Variants in ADAMTSL1 observed in about 807,000 individuals in gnomAD.
ADAMTSL1 encodes ADAMTS like 1.
ADAMTSL1 carries 126 observed loss-of-function variants against 201.8 expected under a neutral mutation model. The observed-to-expected ratio is 0.62, with a 90% CI of 0.54 to 0.72. The LOEUF (loss-of-function observed/expected upper bound fraction) is 0.72, where lower values mean the gene tolerates loss of function less well. Among genes scored for constraint, ADAMTSL1 ranks in the 30% least tolerant of loss-of-function variants. The pLI is 0.00. For synonymous variants in ADAMTSL1, 1,121 were observed against 903.4 expected, an observed-to-expected ratio of 1.24 and a Z score of -4.32; for missense variants, 2,679 against 2,277.8, an observed-to-expected ratio of 1.18 and a Z score of -3.59.
At chr9:18,091,150 C>A (rs999959142) in intron 1 of ADAMTSL1, among the ~76,000 whole-genome samples, 1 of 151,896 alleles carries the variant, frequency 6.6e-6, no homozygotes, top group African/African-American at 2.4e-5. Context: ...CAACCATTAG[C>A]CCCACGGTAC....
At chr9:18,043,266 C>A in intron 1 of ADAMTSL1, among the ~76,000 whole-genome samples, 1 of 152,196 alleles carries the variant, frequency 6.6e-6, no homozygotes, top group East Asian at 1.9e-4. Context: ...GGATTAGGAA[C>A]TACTAGGCCA....
At chr9:18,884,415 A>G (rs1438026442) in intron 23 of ADAMTSL1, among the ~76,000 whole-genome samples, 3 of 152,138 alleles carry the variant, frequency 2.0e-5, no homozygotes, top group Non-Finnish European at 4.4e-5. Context: ...AAAGATTTAA[A>G]TTTTGATGGA....
intron 2 of ADAMTSL1, among the ~76,000 whole-genome samples, chr9:18,235,956 C>T (rs550234329): frequency 3.9e-5 from 6 of 152,330 alleles, no homozygotes; most frequent in African/African-American, 1.4e-4. Context: ...AAAGTAAATT[C>T]ATGGGCAAGA....
chr9:18,314,673 A>C (rs1196884136), intron 2 of ADAMTSL1, among the ~76,000 whole-genome samples: 4 of 149,988 alleles, frequency 2.7e-5, no homozygotes, highest in Non-Finnish European at 4.4e-5. Flanking sequence ...AGGCATGCGG[A>C]CCGAAAGAGT....
At position 18,908,838 on chromosome 9, in the gene ADAMTSL1, C is replaced by A. The variant is rs1032393423; in HGVS notation, c.*290C>A. The A allele has an allele frequency of 3.4e-6, 1 of 296,068 alleles. No homozygotes were observed. Among genetic ancestry groups the A allele is most frequent in the Non-Finnish European group, 6.3e-6 (1 of 159,322 alleles). 18.3% of individuals were successfully genotyped at this position (296,068 alleles called of 1,614,324 possible). On this transcript the variant is annotated 3_prime_UTR_variant, in exon 29 of 29. Coordinates refer to ENST00000380548, the MANE Select transcript of ADAMTSL1 (RefSeq NM_001040272.6). ...GCTCCCTTGAAGAGCTTCCTCCCTC[C>A]CAAACCTGGGTCTCAAAGACCTAGA... is the stretch of plus-strand genomic sequence containing the variant.
In ADAMTSL1 at chr9:18,160,856, T is replaced by C. The variant is rs913381237; in HGVS notation, c.88-3006T>C. 2.9e-4 allele frequency among the ~76,000 whole-genome samples: 43 copies of C among 149,224 alleles called. 1 individual carries two copies. The highest frequency in any genetic ancestry group is 9.5e-4 in the African/African-American group (39 of 40,862). ...CACCATACCTGGCTAAATTTTTTTTTTTTTTTTTTTTTTTAAGAGACAATG... is the reference window on the plus strand; with the variant it reads ...CACCATACCTGGCTAAATTTTTTTTCTTTTTTTTTTTTTTAAGAGACAATG... On this transcript the variant is annotated intron_variant, in intron 1 of 29. Coordinates refer to the ADAMTSL1 transcript ENST00000680146.
intron 1 of ADAMTSL1, among the ~76,000 whole-genome samples, chr9:17,916,380 T>A (rs1189084025): frequency 6.6e-6 from 1 of 152,256 alleles, no homozygotes; most frequent in Admixed American, 6.5e-5. Flanking sequence ...ATTTTGTTCT[T>A]GTTTCTAATA....
Position 18,579,075 on chromosome 9 carries a change from G to A in ADAMTSL1, c.474+4809G>A, listed in dbSNP as rs576544887. ...TCATGTTGCGGCATTATTCACAATA[G>A]CAAAGACTTGGAACCAACCCAAATG... On this transcript the variant is annotated intron_variant, in intron 4 of 28. Transcript: ENST00000380548. Among the ~76,000 whole-genome samples the A allele has an allele frequency of 6.6e-5, 10 of 151,810 alleles. No individual in the cohort carries two copies. In the East Asian group the frequency reaches 1.9e-3, roughly 29 times the overall value.
At chr9:18,661,085 C>T (rs536920421) in intron 8 of ADAMTSL1, among the ~76,000 whole-genome samples, 8 of 152,018 alleles carry the variant, frequency 5.3e-5, no homozygotes, top group East Asian at 1.9e-4. Flanking sequence ...TTTTTCACCC[C>T]GAGAATCTAA....
intron 1 of ADAMTSL1, among the ~76,000 whole-genome samples, chr9:17,907,490 G>C (rs775179557): frequency 1.1e-4 from 17 of 152,170 alleles, no homozygotes; most frequent in Non-Finnish European, 2.1e-4. Context: ...GTGCCTCCGC[G>C]GTCTAGAGGT....
rs115221556 is a variant in ADAMTSL1, at chr9:18,095,128, C to T, written c.88-68734C>T. On this transcript the variant is annotated intron_variant, in intron 1 of 29. Transcript: ENST00000680146. ...CTAGTTGCAAATGCAGATTATTAGA[C>T]GCCACCTGAGACCTTCTGAATCATA... Among the ~76,000 whole-genome samples, 518 of 152,176 alleles carry T rather than the reference C, an allele frequency of 3.4e-3. 4 individuals are homozygous for T. The highest frequency in any genetic ancestry group is 0.011 in the African/African-American group (475 of 41,522).
At chr9:18,810,416 C>T (rs896280080) in intron 20 of ADAMTSL1, among the ~76,000 whole-genome samples, 1 of 151,908 alleles carries the variant, frequency 6.6e-6, no homozygotes, top group African/African-American at 2.4e-5. Context: ...GGCTGTGGGA[C>T]GGTACAAACA....
intron 1 of ADAMTSL1, among the ~76,000 whole-genome samples, chr9:18,157,756 T>A (rs1827217730): frequency 6.6e-6 from 1 of 152,058 alleles, no homozygotes; most frequent in African/African-American, 2.4e-5. Flanking sequence ...ATGGGTTAAA[T>A]ATGGTTATAA....
chr9:18,740,545 C>G (rs937004351), intron 15 of ADAMTSL1, among the ~76,000 whole-genome samples: 13 of 140,992 alleles, frequency 9.2e-5, no homozygotes, highest in Non-Finnish European at 1.5e-4. Context: ...GGCGCAATCT[C>G]AGCTCATTGC....
intron 1 of ADAMTSL1, among the ~76,000 whole-genome samples, chr9:17,961,872 G>A (rs1372303076): frequency 6.6e-6 from 1 of 152,142 alleles, no homozygotes; most frequent in Non-Finnish European, 1.5e-5. Context: ...AGAACCCCAA[G>A]AATCAGGGTT....
chr9:18,263,747 T>G (rs1832013528), intron 2 of ADAMTSL1, among the ~76,000 whole-genome samples: 2 of 152,146 alleles, frequency 1.3e-5, no homozygotes, highest in South Asian at 4.1e-4. Context: ...ATGAGTGTCC[T>G]TATAGAAAGA....
chr9:18,319,127 C>G (rs1253786904), intron 2 of ADAMTSL1, among the ~76,000 whole-genome samples: 1 of 152,090 alleles, frequency 6.6e-6, no homozygotes, highest in African/African-American at 2.4e-5. Flanking sequence ...AGGAGGATCA[C>G]TTGAGCCCAG....
chr9:18,063,842 C>T (rs188010598), intron 1 of ADAMTSL1, among the ~76,000 whole-genome samples: 1 of 152,268 alleles, frequency 6.6e-6, no homozygotes, highest in East Asian at 1.9e-4. Flanking sequence ...TTTCTTGTGG[C>T]CTCTGCCTCT....
At chr9:18,026,045 C>T (rs1854581) in intron 1 of ADAMTSL1, among the ~76,000 whole-genome samples, 11,185 of 151,380 alleles carry the variant, frequency 0.074, 606 homozygotes, top group East Asian at 0.29. Context: ...TGGCTTTCAG[C>T]TTGAATGTCA....
Sources: gnomAD v4.1 joint callset for allele counts (sites outside exome capture counted in the v4.1 genomes callset) on GRCh38, gnomAD v4.1.1 for gene constraint, MANE v1.5 for transcripts, NCBI Gene and HGNC (gene_info 2026-07-23, HGNC 2026-07-21) for gene names.